The following CCSER1 variants were observed in gnomAD, a reference collection of about 807,000 sequenced individuals.
CCSER1 encodes serine-rich coiled-coil domain-containing protein 1.
Under a neutral mutation model 82.0 loss-of-function variants are expected in CCSER1, and 41 were observed. That is an observed-to-expected ratio of 0.50 (90% CI 0.39 to 0.65). The LOEUF (loss-of-function observed/expected upper bound fraction) is 0.65. Ranked by LOEUF, CCSER1 falls within the 30% of genes least tolerant of loss-of-function variation. CCSER1 has a pLI of 0.00. For missense variants in CCSER1, 1,119 were observed against 1,064.2 expected (o/e 1.05, Z -0.72); for synonymous variants, 414 against 383.9 (o/e 1.08, Z -0.92).
intron 10 of CCSER1, among the ~76,000 whole-genome samples, chr4:91,265,064 A>G (rs1299118765): frequency 1.3e-5 from 2 of 152,060 alleles, no homozygotes; most frequent in Admixed American, 1.3e-4. Flanking sequence ...AGAAAGAAAT[A>G]TCTGAAGTAA....
At chr4:91,050,997 G>A (rs762142882) in intron 9 of CCSER1, among the ~76,000 whole-genome samples, 1 of 152,056 alleles carries the variant, frequency 6.6e-6, no homozygotes, top group Non-Finnish European at 1.5e-5. Flanking sequence ...ATATTCTCTA[G>A]CTCTGTGCTT....
intron 10 of CCSER1, among the ~76,000 whole-genome samples, chr4:91,363,322 A>C (rs1749376607): frequency 6.6e-6 from 1 of 150,830 alleles, no homozygotes; most frequent in African/African-American, 2.4e-5. Context: ...AAGTAGAAGT[A>C]ATCTAGATTG....
chr4:90,139,332 A>G (rs1348129933), intron 1 of CCSER1, among the ~76,000 whole-genome samples: 1 of 152,182 alleles, frequency 6.6e-6, no homozygotes, highest in Non-Finnish European at 1.5e-5. Flanking sequence ...TTTAGGTTCC[A>G]TGGTTTCTAT....
At chr4:90,875,770 G>A (rs1248286014) in intron 8 of CCSER1, among the ~76,000 whole-genome samples, 1 of 152,124 alleles carries the variant, frequency 6.6e-6, no homozygotes, top group Non-Finnish European at 1.5e-5. Flanking sequence ...CCATACTGCC[G>A]ATTCAAAAGA....
intron 10 of CCSER1, among the ~76,000 whole-genome samples, chr4:91,096,563 A>G (rs1176951456): frequency 6.6e-6 from 1 of 152,132 alleles, no homozygotes; most frequent in Non-Finnish European, 1.5e-5. Flanking sequence ...TTTATGCCAT[A>G]CCTTTGAAAC....
At chr4:91,402,276 T>C (rs1331904755) in intron 10 of CCSER1, among the ~76,000 whole-genome samples, 1 of 152,210 alleles carries the variant, frequency 6.6e-6, no homozygotes, top group African/African-American at 2.4e-5. Context: ...TTAAGTTCTT[T>C]GTAGATTCTG....
chr4:91,219,502 C>T (rs1479400670), intron 10 of CCSER1, among the ~76,000 whole-genome samples: 10 of 151,934 alleles, frequency 6.6e-5, no homozygotes, highest in African/African-American at 1.2e-4. Context: ...GGGGTTTCAC[C>T]ATGTTGGCCA....
chr4:91,401,494 A>C (rs1413095881), intron 10 of CCSER1, among the ~76,000 whole-genome samples: 1 of 151,778 alleles, frequency 6.6e-6, no homozygotes, highest in Non-Finnish European at 1.5e-5. Context: ...GGTGTGCTGC[A>C]CCCATTAACT....
rs141879976 is a variant in CCSER1 at position 91,176,256 on chromosome 4, G to A, written c.2217+90262G>A. Among the ~76,000 whole-genome samples the A allele has an allele frequency of 9.2e-3, 1,404 of 152,272 alleles. 17 individuals carry two copies. The highest frequency in any genetic ancestry group is 0.068 in the East Asian group (352 of 5,174). On this transcript the variant is annotated intron_variant, in intron 10 of 10. Transcript: ENST00000509176. ...GCAGTACAGTTTGAAGTCAGGTAGC[G>A]TGATGCCTCCAGCTTTGTTCTTTTG...
Position 90,308,931 on chromosome 4 carries a change from A to T in CCSER1, c.647A>T (p.Tyr216Phe). The change falls in exon 2 of 11, where the codon TAC becomes TTC. Residue 216 changes from tyrosine to phenylalanine, a missense_variant. Transcript: ENST00000509176. ...QSEFSLEVTQYQEREPVLVRA... is the reference protein window; with the variant it reads ...QSEFSLEVTQFQEREPVLVRA... ...GAATTCTCATTGGAAGTTACACAGT[A>T]CCAAGAGAGAGAACCTGTATTAGTA... The T allele has an allele frequency of 6.2e-7, 1 of 1,613,872 alleles. No homozygotes were observed. The highest frequency in any genetic ancestry group is 8.5e-7 in the Non-Finnish European group (1 of 1,179,828).
At chr4:91,096,536 C>T (rs1290030430) in intron 10 of CCSER1, among the ~76,000 whole-genome samples, 1 of 152,186 alleles carries the variant, frequency 6.6e-6, no homozygotes, top group Non-Finnish European at 1.5e-5. Context: ...ATCTGGGTGT[C>T]CTGGCTTGCC....
At position 91,598,908 on chromosome 4, in the gene CCSER1, A is replaced by G; in HGVS notation, c.2554A>G (p.Thr852Ala). The G allele has an allele frequency of 2.6e-6, 4 of 1,551,616 alleles. No homozygotes were observed. The East Asian group carries it at 7.3e-5, about 28-fold the overall frequency. Residue 852 changes from threonine to alanine, a missense_variant, in exon 11 of 11, where the codon ACG (threonine) becomes GCG (alanine). Physicochemically the swap from Thr to Ala is moderately conservative, Grantham distance 58. Coordinates refer to ENST00000509176, the MANE Select transcript of CCSER1 (RefSeq NM_001145065.2). ...AGAGAAACCAAAGGACCAAGTTGCT[A>G]CGGCCCGACAGCATTCGACCTTTAC... ...FLEKPKDQVA[T>A]ARQHSTFTGR...
At chr4:91,165,789 G>A (rs1560484009) in intron 10 of CCSER1, among the ~76,000 whole-genome samples, 1 of 152,262 alleles carries the variant, frequency 6.6e-6, no homozygotes, top group Non-Finnish European at 1.5e-5. Flanking sequence ...CATTGGAAGA[G>A]TGCATTATTT....
chr4:91,456,681 T>G (rs927482514), intron 10 of CCSER1, among the ~76,000 whole-genome samples: 2 of 152,110 alleles, frequency 1.3e-5, no homozygotes, highest in African/African-American at 4.8e-5. Context: ...CAATTCCAAG[T>G]TACCAGGTGA....
At chr4:90,592,784 C>A (rs1782869638) in intron 5 of CCSER1, among the ~76,000 whole-genome samples, 1 of 152,024 alleles carries the variant, frequency 6.6e-6, no homozygotes, top group Non-Finnish European at 1.5e-5. Context: ...TCTGAAGTCC[C>A]TAATACAGCA....
At chr4:91,540,649 G>A (rs980749474) in intron 10 of CCSER1, among the ~76,000 whole-genome samples, 1 of 152,022 alleles carries the variant, frequency 6.6e-6, no homozygotes, top group African/African-American at 2.4e-5. Context: ...GTTTTCTTCT[G>A]TTATCTTCAA....
chr4:91,439,456 T>A (rs970118174), intron 10 of CCSER1, among the ~76,000 whole-genome samples: 19 of 151,988 alleles, frequency 1.3e-4, no homozygotes, highest in African/African-American at 4.4e-4. Context: ...CCACCAGGCC[T>A]GCCCTAAAAG....
chr4:91,538,833 A>G (rs1219071833), intron 10 of CCSER1, among the ~76,000 whole-genome samples: 1 of 151,704 alleles, frequency 6.6e-6, no homozygotes, highest in African/African-American at 2.4e-5. Context: ...AACTTTAATC[A>G]GGGAAGGCTG....
chr4:91,153,194 A>C (rs1335627170), intron 10 of CCSER1, among the ~76,000 whole-genome samples: 1 of 151,948 alleles, frequency 6.6e-6, no homozygotes, highest in East Asian at 1.9e-4. Context: ...TATTTCTTAG[A>C]GGCTTTGTTC....
Sources: gnomAD v4.1 joint callset for allele counts (sites outside exome capture counted in the v4.1 genomes callset) on GRCh38, gnomAD v4.1.1 for gene constraint, MANE v1.5 for transcripts, NCBI Gene and HGNC (gene_info 2026-07-23, HGNC 2026-07-21) for gene names.